Variants in MXI1 observed in about 807,000 individuals in gnomAD.
MXI1 encodes MAX interactor 1, dimerization protein.
A neutral mutation model predicts 36.9 loss-of-function variants in MXI1; 18 were observed. The observed-to-expected ratio is 0.49, with a 90% CI of 0.34 to 0.72. MXI1 has a LOEUF of 0.72. Among genes scored for constraint, MXI1 ranks in the 30% least tolerant of loss-of-function variants. MXI1 has a pLI of 0.01. For missense variants in MXI1, 304 were observed against 379.1 expected (o/e 0.80, Z 1.64); for synonymous variants, 160 against 146.7 (o/e 1.09, Z -0.65).
chr10:110,244,688 T>C, intron 2 of MXI1, 140 bp from the exon 3 acceptor site: 1 of 611,476 alleles, frequency 1.6e-6, no homozygotes, highest in Non-Finnish European at 2.9e-6. Context: ...TTCCTCTCGA[T>C]GAGTGAGCTT....
intron 2 of MXI1, among the ~76,000 whole-genome samples, chr10:110,239,016 A>G (rs1855571293): frequency 6.6e-6 from 1 of 152,072 alleles, no homozygotes. Context: ...TTGATTTTTT[A>G]AAGTCAGCTT....
chr10:110,282,606 A>G lies in MXI1; in HGVS notation c.725-2218A>G, dbSNP rs140272013. ...TTACCTCCTCCTTGTACCCACCCCA[A>G]CTACCTCCAAATTTCAGAGAGGAGG... On this transcript the variant is annotated intron_variant, in intron 5 of 5. Transcript: ENST00000332674. Among the ~76,000 whole-genome samples, 94 of 152,120 alleles carry G rather than the reference A, an allele frequency of 6.2e-4. 3 individuals carry two copies. In the East Asian group the frequency reaches 0.016, roughly 26 times the overall value.
chr10:110,234,785 G>A (rs1855395949), intron 2 of MXI1, among the ~76,000 whole-genome samples: 1 of 151,974 alleles, frequency 6.6e-6, no homozygotes, highest in Non-Finnish European at 1.5e-5. Context: ...TTTTAACTTC[G>A]AGAATATGTT....
intron 1 of MXI1, among the ~76,000 whole-genome samples, chr10:110,212,085 G>A (rs1854528932): frequency 6.6e-6 from 1 of 152,234 alleles, no homozygotes. Flanking sequence ...TGTGAGAGCA[G>A]GTAAGGTCTG....
In MXI1 at chr10:110,208,016, C is replaced by T. The variant is rs1854404523; in HGVS notation, c.208C>T (p.Leu70=). 2.5e-6 allele frequency: 4 copies of T among 1,605,560 alleles called. No homozygotes were observed. Among genetic ancestry groups the T allele is most frequent in the Middle Eastern group, 1.7e-4 (1 of 6,010 alleles). ...NSMEKHINTF[L]QNVQILLEAA... ...GATGGAGAAGCACATCAACACTTTT[C>T]TGCAGAACGTGCAGATTCTGCTCGA... The change falls in exon 1 of 6, where the codon CTG becomes TTG. Residue 70 remains leucine (L), a synonymous_variant. Coordinates refer to ENST00000332674, the MANE Select transcript of MXI1 (RefSeq NM_130439.3).
intron 2 of MXI1, among the ~76,000 whole-genome samples, chr10:110,231,679 AC>A (rs1315545730): frequency 6.6e-6 from 1 of 152,190 alleles, no homozygotes; most frequent in Non-Finnish European, 1.5e-5. Context: ...CTAAGATGTT[AC>A]TGCTGTTAGA....
At chr10:110,268,460 T>A (rs751016023) in intron 3 of MXI1, among the ~76,000 whole-genome samples, 1 of 152,162 alleles carries the variant, frequency 6.6e-6, no homozygotes, top group Non-Finnish European at 1.5e-5. Context: ...AACCCAGATA[T>A]AACTTGAACC....
rs1360671377 is a variant in MXI1, at chr10:110,208,262, A to G, written c.274+180A>G. On this transcript the variant is annotated intron_variant, in intron 1 of 5. Transcript: ENST00000332674. Reference sequence around the variant, plus strand: ...GCACGCACAAAGCTGCTAAAGATGTAACAAAGACGGGCGAGGGGGAGAGGG... The same window carrying G: ...GCACGCACAAAGCTGCTAAAGATGTGACAAAGACGGGCGAGGGGGAGAGGG... 10 of 589,240 alleles carry G rather than the reference A, an allele frequency of 1.7e-5. No individual in the cohort carries two copies. In the East Asian group the frequency reaches 4.1e-4, roughly 24 times the overall value. The allele number at this position is 589,240 out of a possible 1,614,324, so 36.5% of individuals were successfully genotyped here.
At chr10:110,252,212 C>T (rs1463258229) in intron 3 of MXI1, among the ~76,000 whole-genome samples, 2 of 151,984 alleles carry the variant, frequency 1.3e-5, no homozygotes, top group Non-Finnish European at 2.9e-5. Context: ...TATTTCTTCA[C>T]ATAGCTGCAA....
At chr10:110,271,041 G>A (rs977560908) in intron 3 of MXI1, among the ~76,000 whole-genome samples, 10 of 151,558 alleles carry the variant, frequency 6.6e-5, no homozygotes, top group Admixed American at 2.6e-4. Flanking sequence ...GCAGTGAGCC[G>A]AGATCGCGCC....
At chr10:110,260,219 G>T (rs1856461093) in intron 3 of MXI1, among the ~76,000 whole-genome samples, 1 of 151,998 alleles carries the variant, frequency 6.6e-6, no homozygotes, top group Non-Finnish European at 1.5e-5. Context: ...GATAGGTTGT[G>T]AATGTTGTAT....
At chr10:110,218,572 C>T (rs1854716497) in intron 1 of MXI1, among the ~76,000 whole-genome samples, 1 of 152,096 alleles carries the variant, frequency 6.6e-6, no homozygotes, top group Admixed American at 6.5e-5. Context: ...AGTGGGCTGT[C>T]AGAACCTCCA....
In MXI1 at chr10:110,237,818, C is replaced by T. The variant is rs531786888; in HGVS notation, c.408-7010C>T. ...TAGAGACAGAGTCTCAACTGTCACC[C>T]GGAGTAGAGTGCAGTGGTGAGATCA... On this transcript the variant is annotated intron_variant, in intron 2 of 5. Transcript: ENST00000332674. 4.6e-5 allele frequency among the ~76,000 whole-genome samples: 7 copies of T among 152,264 alleles called. No homozygotes were observed. The South Asian group carries it at 6.2e-4, about 14-fold the overall frequency.
intron 3 of MXI1, among the ~76,000 whole-genome samples, chr10:110,267,994 GA>G (rs1856733712): frequency 6.6e-6 from 1 of 152,196 alleles, no homozygotes; most frequent in South Asian, 2.1e-4. Flanking sequence ...TGCAGTATCT[GA>G]AAGGAAATGT....
chr10:110,236,642 G>A (rs551629969), intron 2 of MXI1, among the ~76,000 whole-genome samples: 40 of 152,134 alleles, frequency 2.6e-4, no homozygotes, highest in African/African-American at 9.4e-4. Flanking sequence ...TATATTTTTT[G>A]TAGAGATAGG....
At chr10:110,256,341 T>C (rs112654120) in intron 3 of MXI1, among the ~76,000 whole-genome samples, 7,990 of 152,164 alleles carry the variant, frequency 0.053, 320 homozygotes, top group Middle Eastern at 0.15. Flanking sequence ...TGGTGGCTCA[T>C]GCCTGTAATC....
chr10:110,279,654 T>C (rs917902596), intron 4 of MXI1, among the ~76,000 whole-genome samples: 2 of 152,250 alleles, frequency 1.3e-5, no homozygotes, highest in Non-Finnish European at 2.9e-5. Context: ...GAGATTACTT[T>C]ACAGACTTTT....
At chr10:110,230,422 G>A (rs992559059) in intron 2 of MXI1, among the ~76,000 whole-genome samples, 3 of 152,110 alleles carry the variant, frequency 2.0e-5, no homozygotes, top group Non-Finnish European at 4.4e-5. Context: ...AGTGCCCAAA[G>A]GAGAATATGT....
intron 1 of MXI1, among the ~76,000 whole-genome samples, chr10:110,217,546 G>A (rs1424658635): frequency 6.6e-6 from 1 of 152,106 alleles, no homozygotes; most frequent in Non-Finnish European, 1.5e-5. Flanking sequence ...CAGCCTGACC[G>A]TCCTGCCATA....
Sources: allele counts gnomAD v4.1 joint callset (sites outside exome capture counted in the v4.1 genomes callset), GRCh38; gene constraint gnomAD v4.1.1; transcripts MANE v1.5; gene names NCBI Gene and HGNC (gene_info 2026-07-23, HGNC 2026-07-21).